LGI4: variants seen among roughly 807,000 people sequenced by gnomAD.
LGI4 encodes the protein leucine rich repeat LGI family member 4, also known as leucine-rich repeat LGI family member 4.
A neutral mutation model predicts 48.3 loss-of-function variants in LGI4; 36 were observed. The observed-to-expected ratio is 0.75, with a 90% confidence interval of 0.57 to 0.98. The LOEUF (loss-of-function observed/expected upper bound fraction) is 0.98. Among genes scored for constraint, LGI4 ranks in the 50% least tolerant of loss-of-function variants. The pLI, the probability that LGI4 is intolerant of heterozygous loss-of-function variation, is 0.00. For synonymous variants in LGI4, 355 were observed against 331.6 expected (o/e 1.07, Z -0.77); for missense variants, 701 against 732.1 (o/e 0.96, Z 0.49).
rs770501681 is a variant in LGI4 at position 35,134,097 on chromosome 19, C to T, written c.178G>A (p.Val60Ile). The change falls in exon 2 of 9, where the codon GTC becomes ATC. Residue 60 changes from valine to isoleucine, a missense_variant. Val to Ile is a conservative substitution (Grantham distance 29). This residue lies in a region of LGI4 where 462 missense variants were observed against 436.4 expected (regional missense o/e 1.06). Coordinates refer to ENST00000310123, the MANE Select transcript of LGI4 (RefSeq NM_139284.3). Reference protein sequence around the residue: ...FSPTLLSLSLVRTGVTQLKAG... With the variant: ...FSPTLLSLSLIRTGVTQLKAG... ...TTCAGCTGGGTGACTCCCGTCCTGA[C>T]GAGTGAGCTGGGGATGTGGGCAGTG... The T allele has an allele frequency of 6.2e-5, 97 of 1,564,562 alleles. No homozygotes were observed. The highest frequency in any genetic ancestry group is 5.7e-5 in the Admixed American group (3 of 52,734).
chr19:35,133,629 G>A (rs1245301210), intron 3 of LGI4, 64 bp downstream of exon 3: 1 of 1,529,106 alleles, frequency 6.5e-7, no homozygotes, highest in East Asian at 2.4e-5. Flanking sequence ...CCCCTACTCT[G>A]GGAGCCACAG....
Position 35,133,644 on chromosome 19 carries a change from G to A in LGI4, c.314+49C>T, listed in dbSNP as rs117043591. The stretch of plus-strand genomic sequence containing the variant: ...CCCCTACTCTGGGAGCCACAGAAGG[G>A]TCCCTCCTTGCCCAGACCCACCTGC... On this transcript the variant is annotated intron_variant, in intron 3 of 8. Coordinates refer to ENST00000310123, the MANE Select transcript of LGI4 (RefSeq NM_139284.3). The A allele has an allele frequency of 0.024, 36,588 of 1,544,612 alleles. 563 individuals are homozygous for A. Among genetic ancestry groups the A allele is most frequent in the Non-Finnish European group, 0.027 (30,492 of 1,139,924 alleles).
chr19:35,133,385 G>T, intron 3 of LGI4: 1 of 1,220,484 alleles, frequency 8.2e-7, no homozygotes, highest in Non-Finnish European at 1.0e-6. Context: ...ACCCTTCCTG[G>T]GTTTCTATGA....
rs1473877019 is a variant in LGI4 at position 35,134,110 on chromosome 19, G to T, written c.171-6C>A. 14 of 1,561,770 alleles carry T rather than the reference G, an allele frequency of 9.0e-6. No individual in the cohort carries two copies. The highest frequency in any genetic ancestry group is 1.2e-5 in the Non-Finnish European group (14 of 1,152,580). On this transcript the variant is annotated splice_region_variant and splice_polypyrimidine_tract_variant and intron_variant, in intron 1 of 8. Transcript: ENST00000310123. ...CTCCCGTCCTGACGAGTGAGCTGGG[G>T]ATGTGGGCAGTGGTAGGTGAGAGGG... is the stretch of plus-strand genomic sequence containing the variant.
Position 35,125,205 on chromosome 19 carries a change from G to A in LGI4, c.1602C>T (p.Asp534=). The change falls in exon 9 of 9, where the codon GAC becomes GAT. Residue 534 remains aspartate, a synonymous_variant. Coordinates refer to ENST00000310123, the MANE Select transcript of LGI4 (RefSeq NM_139284.3). ...PTQIYQHHEI[D]LSA is the part of the protein sequence containing the mutation. ...CCCGTTGGTGGTCTCAGGCACTGAGGTCGATCTCGTGATGCTGGTAGATCT... is the reference window on the plus strand; with the variant it reads ...CCCGTTGGTGGTCTCAGGCACTGAGATCGATCTCGTGATGCTGGTAGATCT... 1 of 1,527,068 alleles carries A rather than the reference G, an allele frequency of 6.5e-7. No homozygotes were observed. The allele number at this position is 1,527,068 out of a possible 1,614,324, so 94.6% of individuals were successfully genotyped here.
intron 3 of LGI4, among the ~76,000 whole-genome samples, chr19:35,132,467 C>T (rs1244504778): frequency 6.6e-6 from 1 of 151,638 alleles, no homozygotes; most frequent in East Asian, 1.9e-4. Context: ...GTGCTAGCAC[C>T]CACACCACCA....
At chr19:35,130,891 C>G (rs527501439) in intron 6 of LGI4, among the ~76,000 whole-genome samples, 1 of 152,344 alleles carries the variant, frequency 6.6e-6, no homozygotes, top group East Asian at 1.9e-4. Flanking sequence ...GCTGTCCTGT[C>G]TGGGCCTGCA....
chr19:35,130,192 A>C (rs1024373378), intron 6 of LGI4, among the ~76,000 whole-genome samples: 1 of 152,124 alleles, frequency 6.6e-6, no homozygotes, highest in Non-Finnish European at 1.5e-5. Context: ...GAACTCAGGG[A>C]CCAGTGCCGG....
chr19:35,131,600 C>A, intron 5 of LGI4, 45 bp from the exon 6 acceptor site: 1 of 1,535,166 alleles, frequency 6.5e-7, no homozygotes, highest in South Asian at 1.2e-5. Flanking sequence ...GCTTCCACGC[C>A]CTGGGGGCCA....
rs574978376 is a variant in LGI4, at chr19:35,131,565, G to A, written c.459-10C>T. 6.5e-6 allele frequency: 10 copies of A among 1,547,692 alleles called. No individual in the cohort carries two copies. Among genetic ancestry groups the A allele is most frequent in the Non-Finnish European group, 8.7e-6 (10 of 1,145,374 alleles). On this transcript the variant is annotated splice_polypyrimidine_tract_variant and intron_variant, in intron 5 of 8. Transcript: ENST00000310123. ...GTTCCCGCGGAGGTCCCTGGGGCAA[G>A]AGGCCAGGGAGGGGCTGCGACCCGG...
chr19:35,126,898 A>G lies in LGI4; in HGVS notation c.748T>C (p.Trp250Arg), dbSNP rs1466194764. The G allele has an allele frequency of 1.2e-6, 2 of 1,613,594 alleles. No individual in the cohort carries two copies. The highest frequency in any genetic ancestry group is 1.1e-5 in the South Asian group (1 of 91,086). ...CGGAAGCGCTGCAGGCTGTAGTCCC[A>G]GGAGAGAATCAGGCAGCGGCCGGCG... ...PFAGRCLILS[W>R]DYSLQRFRPE... Residue 250 changes from tryptophan (W) to arginine (R), a missense_variant, in exon 7 of 9, where the codon TGG (tryptophan) becomes CGG (arginine). Around this residue, in one of 3 missense-constraint regions of LGI4, gnomAD observed 462 missense variants for 436.4 expected, o/e 1.06. Coordinates refer to ENST00000310123, the MANE Select transcript of LGI4 (RefSeq NM_139284.3).
In LGI4 at chr19:35,135,036, G is replaced by A. The variant is rs1407257769; in HGVS notation, c.-356C>T. ...GCTGTCTATCTGTTGGTCTCTATGTGTGTGAGTGTATGTGAGTGTGTGTGT... is the reference window on the plus strand; with the variant it reads ...GCTGTCTATCTGTTGGTCTCTATGTATGTGAGTGTATGTGAGTGTGTGTGT... On this transcript the variant is annotated 5_prime_UTR_variant, in exon 1 of 9. Transcript: ENST00000310123. 2 of 235,428 alleles carry A rather than the reference G, an allele frequency of 8.5e-6. No homozygotes were observed. Among genetic ancestry groups the A allele is most frequent in the Non-Finnish European group, 1.7e-5 (2 of 120,270 alleles). 14.6% of individuals were successfully genotyped at this position (235,428 alleles called of 1,614,324 possible).
chr19:35,124,832 G>C lies in LGI4; in HGVS notation c.*361C>G, dbSNP rs2065119103. ...TCAGAGGGACCAGCGGGGTAGGAGC[G>C]GGTTGAGAGGGGGGCTCCGGGACCT... is the stretch of plus-strand genomic sequence containing the variant. On this transcript the variant is annotated 3_prime_UTR_variant, in exon 9 of 9. Transcript: ENST00000310123. 1.0e-5 allele frequency: 2 copies of C among 193,850 alleles called. No homozygotes were observed. The highest frequency in any genetic ancestry group is 2.1e-5 in the Non-Finnish European group (2 of 96,114). 12.0% of individuals were successfully genotyped at this position (193,850 alleles called of 1,614,324 possible).
At chr19:35,133,890 A>T in intron 2 of LGI4, 126 bp from the exon 3 acceptor site, 1 of 1,312,464 alleles carries the variant, frequency 7.6e-7, no homozygotes, top group Non-Finnish European at 1.1e-6. Context: ...ATGGACACAA[A>T]TGCTTTTGTA....
chr19:35,128,359 T>C (rs1215226548), intron 6 of LGI4, among the ~76,000 whole-genome samples: 1 of 152,166 alleles, frequency 6.6e-6, no homozygotes, highest in Non-Finnish European at 1.5e-5. Context: ...CCAAACTACA[T>C]ATAATGCCCA....
At chr19:35,128,735 A>G (rs2065156440) in intron 6 of LGI4, among the ~76,000 whole-genome samples, 1 of 151,904 alleles carries the variant, frequency 6.6e-6, no homozygotes, top group South Asian at 2.1e-4. Context: ...AACATACAAA[A>G]AACTTTCTAT....
At chr19:35,131,741 CA>C in intron 5 of LGI4, 47 bp downstream of exon 5, 2 of 1,478,006 alleles carry the variant, frequency 1.4e-6, no homozygotes, top group South Asian at 2.4e-5. Flanking sequence ...CCCCCGCCGA[CA>C]CAAACATTCC....
Position 35,131,510 on chromosome 19 carries a change from C to G in LGI4, c.504G>C (p.Trp168Cys), listed in dbSNP as rs201728190. Residue 168 changes from tryptophan (W) to cysteine (C), a missense_variant, in exon 6 of 9, where the codon TGG (tryptophan) becomes TGC (cysteine). Trp to Cys is a radical substitution (Grantham distance 215). Around this residue, in one of 3 missense-constraint regions of LGI4, gnomAD observed 462 missense variants for 436.4 expected, o/e 1.06. Coordinates refer to ENST00000310123, the MANE Select transcript of LGI4 (RefSeq NM_139284.3). ...NPFQCDCRVL[W>C]LLQWMPTVNA... Reference sequence around the variant, plus strand: ...TCACGGTGGGCATCCACTGCAGGAGCCAGAGGACGCGGCAGTCACACTGGA... The same window carrying G: ...TCACGGTGGGCATCCACTGCAGGAGGCAGAGGACGCGGCAGTCACACTGGA... 3.5e-5 allele frequency: 54 copies of G among 1,551,174 alleles called. No individual in the cohort carries two copies. Among genetic ancestry groups the G allele is most frequent in the Non-Finnish European group, 4.7e-5 (54 of 1,146,936 alleles).
chr19:35,134,325 G>A (rs939199978), intron 1 of LGI4, among the ~76,000 whole-genome samples, 186 bp downstream of exon 1: 1 of 152,160 alleles, frequency 6.6e-6, no homozygotes, highest in African/African-American at 2.4e-5. Flanking sequence ...CTGCCCTCTG[G>A]GGTTTCCTTC....
Sources: allele counts gnomAD v4.1 joint callset (sites outside exome capture counted in the v4.1 genomes callset), GRCh38; gene constraint gnomAD v4.1.1; regional missense constraint gnomAD v4.1.1; transcripts MANE v1.5; gene names NCBI Gene and HGNC (gene_info 2026-07-23, HGNC 2026-07-21).